The following NRXN1 variants were observed in gnomAD, a reference collection of about 807,000 sequenced individuals.
NRXN1 encodes the protein neurexin 1.
In NRXN1, 39 loss-of-function variants were observed where a neutral mutation model predicts 150.9. The observed-to-expected ratio is 0.26, with a 90% CI of 0.20 to 0.34. The LOEUF (loss-of-function observed/expected upper bound fraction) is 0.34. Among genes scored for constraint, NRXN1 ranks in the 10% least tolerant of loss-of-function variants. NRXN1 has a pLI of 1.00. For synonymous variants in NRXN1, 924 were observed against 757.0 expected (o/e 1.22, Z -3.62); for missense variants, 1,815 against 1,949.9 (o/e 0.93, Z 1.30).
chr2:50,650,564 G>C (rs11893056), intron 5 of NRXN1, among the ~76,000 whole-genome samples: 2,628 of 152,076 alleles, frequency 0.017, 95 homozygotes, highest in African/African-American at 0.06. Flanking sequence ...TTTTATTCCA[G>C]AGGTCAGAAA....
intron 17 of NRXN1, among the ~76,000 whole-genome samples, chr2:50,312,040 G>A (rs1012142212): frequency 2.0e-5 from 3 of 152,112 alleles, no homozygotes; most frequent in African/African-American, 7.2e-5. Context: ...ATATGCTGAT[G>A]TAAAAATTTT....
intron 18 of NRXN1, among the ~76,000 whole-genome samples, chr2:50,145,726 G>A (rs1707923330): frequency 1.3e-5 from 2 of 151,574 alleles, no homozygotes; most frequent in African/African-American, 2.4e-5. Context: ...ACATCTTGGA[G>A]TCAGAAGATG....
chr2:50,255,527 A>G (rs531262974), intron 17 of NRXN1, among the ~76,000 whole-genome samples: 2 of 152,284 alleles, frequency 1.3e-5, no homozygotes, highest in East Asian at 3.9e-4. Flanking sequence ...TCCAATTTGC[A>G]CATCAGATCC....
Position 50,753,955 on chromosome 2 carries a change from A to T in NRXN1, c.833-130340T>A, listed in dbSNP as rs1574356470. On this transcript the variant is annotated intron_variant, in intron 5 of 22. Coordinates refer to ENST00000401669, the MANE Select transcript of NRXN1 (RefSeq NM_001330078.2). ...ACATTTCAATAAATTCATCATGACG[A>T]TTTTTTTTTGGGGGGGGGCGGAATT... is the stretch of plus-strand genomic sequence containing the variant. Among the ~76,000 whole-genome samples, 7 of 107,608 alleles carry T rather than the reference A, an allele frequency of 6.5e-5. No homozygotes were observed. The South Asian group carries it at 1.5e-3, about 23-fold the overall frequency. The allele number at this position is 107,608 out of a possible 152,430, so 70.6% of individuals were successfully genotyped here. A position where few individuals can be genotyped will look rare whatever the true frequency, so the allele number is the denominator to read the frequency against.
intron 8 of NRXN1, among the ~76,000 whole-genome samples, chr2:50,602,113 T>G (rs549720000): frequency 4.6e-5 from 7 of 152,268 alleles, no homozygotes; most frequent in African/African-American, 1.7e-4. Flanking sequence ...TAAGGCCTTA[T>G]GCAAAAGGCT....
intron 5 of NRXN1, among the ~76,000 whole-genome samples, chr2:50,866,931 T>C (rs1677021075): frequency 6.6e-6 from 1 of 151,948 alleles, no homozygotes; most frequent in Non-Finnish European, 1.5e-5. Flanking sequence ...ACTGACAATG[T>C]AGTCGAGAAC....
chr2:50,458,215 T>C (rs550229196), intron 17 of NRXN1, among the ~76,000 whole-genome samples: 220 of 152,206 alleles, frequency 1.4e-3, no homozygotes, highest in African/African-American at 5.2e-3. Flanking sequence ...CACTCATATG[T>C]GCGAGCTAGT....
chr2:50,404,669 C>T (rs1255660213), intron 17 of NRXN1, among the ~76,000 whole-genome samples: 1 of 152,078 alleles, frequency 6.6e-6, no homozygotes, highest in African/African-American at 2.4e-5. Context: ...ATATGGATTT[C>T]AGAGTTTGTC....
At chr2:50,806,388 T>C (rs1197282845) in intron 5 of NRXN1, among the ~76,000 whole-genome samples, 2 of 152,202 alleles carry the variant, frequency 1.3e-5, no homozygotes, top group Non-Finnish European at 2.9e-5. Flanking sequence ...AACCCCATTA[T>C]AACATATACT....
chr2:50,214,124 T>C (rs1316751234), intron 18 of NRXN1, among the ~76,000 whole-genome samples: 1 of 151,996 alleles, frequency 6.6e-6, no homozygotes, highest in Non-Finnish European at 1.5e-5. Flanking sequence ...GGGATACTCA[T>C]ATTAGTCATA....
At chr2:50,081,737 A>G (rs1324887598) in intron 19 of NRXN1, among the ~76,000 whole-genome samples, 1 of 152,194 alleles carries the variant, frequency 6.6e-6, no homozygotes, top group Non-Finnish European at 1.5e-5. Context: ...ATACACCAAA[A>G]TACTAGCTAT....
At chr2:50,547,746 T>C (rs2093527587) in intron 9 of NRXN1, among the ~76,000 whole-genome samples, 1 of 152,166 alleles carries the variant, frequency 6.6e-6, no homozygotes, top group Non-Finnish European at 1.5e-5. Context: ...CTGCACTTGG[T>C]ATGGTTTCTC....
intron 15 of NRXN1, among the ~76,000 whole-genome samples, chr2:50,480,288 G>A (rs914744599): frequency 2.0e-5 from 3 of 152,188 alleles, no homozygotes; most frequent in Non-Finnish European, 4.4e-5. Flanking sequence ...GCGTAGTAAT[G>A]AGAACCCATG....
intron 5 of NRXN1, among the ~76,000 whole-genome samples, chr2:50,771,484 C>G (rs1197489003): frequency 6.6e-6 from 1 of 151,828 alleles, no homozygotes; most frequent in Non-Finnish European, 1.5e-5. Context: ...GTAGAAGCTG[C>G]CTAATGAAGG....
rs1303134658 is a variant in NRXN1, at chr2:49,922,192, C to T, written c.4276G>A (p.Glu1426Lys). Residue 1426 changes from glutamate (E) to lysine (K), a missense_variant, in exon 23 of 23, where the codon GAG becomes AAG. Transcript: ENST00000401669. ...PYPGSAEVIR[E>K]SSSTTGMVVG... Reference sequence around the variant, plus strand: ...ACCATACCCGTGGTGCTGCTGGACTCCCGGATCACTTCTGCTGAGCCTGGA... The same window carrying T: ...ACCATACCCGTGGTGCTGCTGGACTTCCGGATCACTTCTGCTGAGCCTGGA... 1.2e-6 allele frequency: 2 copies of T among 1,614,178 alleles called. No individual in the cohort carries two copies. Among genetic ancestry groups the T allele is most frequent in the Non-Finnish European group, 1.7e-6 (2 of 1,180,026 alleles).
chr2:50,467,967 G>A (rs2089079447), intron 16 of NRXN1, among the ~76,000 whole-genome samples: 1 of 151,400 alleles, frequency 6.6e-6, no homozygotes, highest in Admixed American at 6.6e-5. Context: ...CTTATCCCAT[G>A]GCATTAGAGA....
intron 18 of NRXN1, among the ~76,000 whole-genome samples, chr2:50,149,052 G>C (rs1019826077): frequency 3.3e-5 from 5 of 151,730 alleles, no homozygotes; most frequent in African/African-American, 7.3e-5. Flanking sequence ...TGAAAATAGA[G>C]GTCTTTCAGC....
intron 17 of NRXN1, among the ~76,000 whole-genome samples, chr2:50,303,317 C>A (rs2074332286): frequency 6.6e-6 from 1 of 152,120 alleles, no homozygotes; most frequent in South Asian, 2.1e-4. Flanking sequence ...AAGAATGTTA[C>A]TTAGAATGAT....
At chr2:50,031,166 G>C (rs1689119237) in intron 21 of NRXN1, among the ~76,000 whole-genome samples, 1 of 152,000 alleles carries the variant, frequency 6.6e-6, no homozygotes, top group Non-Finnish European at 1.5e-5. Flanking sequence ...TTAAGAAAGT[G>C]GGATGCCAAC....
Sources: gnomAD v4.1 joint callset for allele counts (sites outside exome capture counted in the v4.1 genomes callset) on GRCh38, gnomAD v4.1.1 for gene constraint, MANE v1.5 for transcripts, NCBI Gene and HGNC (gene_info 2026-07-23, HGNC 2026-07-21) for gene names.